SNRPN: variants seen among roughly 807,000 people sequenced by gnomAD.
SNRPN encodes the protein small nuclear ribonucleoprotein polypeptide N, also known as small nuclear ribonucleoprotein-associated protein N.
A neutral mutation model predicts 25.2 loss-of-function variants in SNRPN; 7 were observed. The observed-to-expected ratio is 0.28, with a 90% confidence interval of 0.16 to 0.52. The LOEUF (loss-of-function observed/expected upper bound fraction) is 0.52. Among genes scored for constraint, SNRPN ranks in the 20% least tolerant of loss-of-function variants. The probability of loss-of-function intolerance (pLI) is 0.96; values close to 1 mark genes in which losing one functional copy is unlikely to be tolerated. For synonymous variants in SNRPN, 124 were observed against 110.6 expected, an observed-to-expected ratio of 1.12 and a Z score of -0.76; for missense variants, 196 against 322.5, an observed-to-expected ratio of 0.61 and a Z score of 3.00.
At chr15:24,935,599 C>T (rs867760375) in intron 3 of SNRPN, among the ~76,000 whole-genome samples, 6 of 152,114 alleles carry the variant, frequency 3.9e-5, no homozygotes, top group South Asian at 2.1e-4. Context: ...GTCCTGCCCA[C>T]GCCAAGAAGT....
chr15:24,830,281 T>C (rs1217419039), intron 2 of SNRPN, among the ~76,000 whole-genome samples: 1 of 152,056 alleles, frequency 6.6e-6, no homozygotes, highest in Non-Finnish European at 1.5e-5. Context: ...AAGATTTGTG[T>C]CGCCTGAATT....
At chr15:24,924,333 CAGA>C (rs1306863866) in intron 3 of SNRPN, among the ~76,000 whole-genome samples, 10 of 151,982 alleles carry the variant, frequency 6.6e-5, no homozygotes, top group East Asian at 3.9e-4. Flanking sequence ...AATGGACTGT[CAGA>C]AGAACAGGTA....
In SNRPN at chr15:24,978,282, C is replaced by A. The variant is rs1212697691; in HGVS notation, c.649C>A (p.Pro217Thr). Reference protein sequence around the residue: ...PARGTPIGMPPPGMRPPPPGI... With the variant: ...PARGTPIGMPTPGMRPPPPGI... ...TCGAGGGACGCCAATAGGCATGCCG[C>A]CTCCGGGAATGAGACCCCCTCCACC... Residue 217 changes from proline (P) to threonine (T), a missense_variant, in exon 9 of 10, where the codon CCT (proline) becomes ACT (threonine). Physicochemically the swap from Pro to Thr is conservative, Grantham distance 38. Coordinates refer to ENST00000390687, the MANE Select transcript of SNRPN (RefSeq NM_003097.6). 6.2e-7 allele frequency: 1 copy of A among 1,614,050 alleles called. No homozygotes were observed. Among genetic ancestry groups the A allele is most frequent in the Non-Finnish European group, 8.5e-7 (1 of 1,180,018 alleles).
chr15:24,859,309 C>CA (rs201796591), intron 1 of SNRPN, among the ~76,000 whole-genome samples: 159 of 146,466 alleles, frequency 1.1e-3, no homozygotes, highest in Non-Finnish European at 5.3e-4. Flanking sequence ...CCATTCAATC[C>CA]AAAAAAAAAA....
intron 1 of SNRPN, among the ~76,000 whole-genome samples, chr15:24,861,763 G>T (rs559496252): frequency 1.3e-5 from 2 of 151,916 alleles, no homozygotes; most frequent in Admixed American, 6.6e-5. Flanking sequence ...CATAAGAGTC[G>T]ATTTAATATT....
intron 2 of SNRPN, chr15:24,851,357 A>C (rs2052808114): frequency 6.6e-6 from 1 of 152,326 alleles, no homozygotes; most frequent in Non-Finnish European, 1.5e-5. Context: ...GAGCACAGGC[A>C]TCAGACCTGA....
intron 2 of SNRPN, chr15:24,967,142 A>G (rs945041615): frequency 3.3e-5 from 5 of 152,142 alleles, no homozygotes. Flanking sequence ...TTCACACAGG[A>G]TAATTTGAAA....
intron 2 of SNRPN, among the ~76,000 whole-genome samples, chr15:24,845,418 G>A (rs67039175): frequency 0.13 from 20,466 of 151,880 alleles, 1,598 homozygotes; most frequent in Non-Finnish European, 0.18. Context: ...ACCAACATGG[G>A]GAAACCCCAT....
At position 24,831,018 on chromosome 15, in the gene SNRPN, G is replaced by A. The variant is rs141166402; in HGVS notation, c.-579+1113G>A. Among the ~76,000 whole-genome samples the A allele has an allele frequency of 7.5e-4, 114 of 152,114 alleles. 1 individual carries two copies. In the East Asian group the frequency reaches 0.021, roughly 28 times the overall value. Reference sequence around the variant, plus strand: ...GTGGATCTGTCTATTTCTGATAGAGGAGTGTTGAAAGTCTCCAACGATAAT... The same window carrying A: ...GTGGATCTGTCTATTTCTGATAGAGAAGTGTTGAAAGTCTCCAACGATAAT... On this transcript the variant is annotated intron_variant, in intron 2 of 12. Transcript: ENST00000400100.
At chr15:24,877,583 G>C (rs1003748889) in intron 1 of SNRPN, among the ~76,000 whole-genome samples, 3 of 152,178 alleles carry the variant, frequency 2.0e-5, no homozygotes, top group African/African-American at 7.2e-5. Flanking sequence ...CCAGCACTTT[G>C]GGAGGCCAAG....
chr15:24,977,165 T>C (rs538086480), intron 7 of SNRPN, 136 bp downstream of exon 7: 4 of 604,568 alleles, frequency 6.6e-6, no homozygotes, highest in South Asian at 7.0e-5. Flanking sequence ...AACACAGATA[T>C]ATGGGAGGAA....
At position 24,978,722 on chromosome 15, in the gene SNRPN, A is replaced by G. The variant is rs1443105113; in HGVS notation, c.*278A>G. ...AGGATAAAAAGGTTTTCTGCTATCT[A>G]ACTTTCACTTTGTGCATTGACTGGT... On this transcript the variant is annotated 3_prime_UTR_variant, in exon 10 of 10. Coordinates refer to ENST00000390687, the MANE Select transcript of SNRPN (RefSeq NM_003097.6). 2.0e-6 allele frequency: 1 copy of G among 488,932 alleles called. No homozygotes were observed. Among genetic ancestry groups the G allele is most frequent in the African/African-American group, 2.0e-5 (1 of 51,016 alleles). 30.3% of individuals were successfully genotyped at this position (488,932 alleles called of 1,614,324 possible).
chr15:24,927,449 G>T (rs1231645350), intron 3 of SNRPN, among the ~76,000 whole-genome samples: 3 of 104,226 alleles, frequency 2.9e-5, no homozygotes, highest in Admixed American at 1.0e-4. Context: ...TTCTCCCTCT[G>T]TTTCCCACTG....
rs780944030 is a variant in SNRPN, at chr15:24,967,920, C to G, written c.-294-12C>G. The G allele has an allele frequency of 6.2e-7, 1 of 1,605,906 alleles. No homozygotes were observed. The highest frequency in any genetic ancestry group is 8.5e-7 in the Non-Finnish European group (1 of 1,173,918). ...ATTTTTATCATTTATATATATTGTG[C>G]TCTTGTTGTAGGTGTCAGTTGTACC... On this transcript the variant is annotated splice_polypyrimidine_tract_variant and intron_variant, in intron 2 of 9. Transcript: ENST00000390687.
intron 1 of SNRPN, among the ~76,000 whole-genome samples, chr15:24,859,376 T>G (rs2053770488): frequency 6.6e-6 from 1 of 152,088 alleles, no homozygotes; most frequent in Non-Finnish European, 1.5e-5. Flanking sequence ...CCAACAAGAT[T>G]GTATTCCACT....
At chr15:24,942,625 G>A (rs1040424344) in intron 3 of SNRPN, among the ~76,000 whole-genome samples, 3 of 152,210 alleles carry the variant, frequency 2.0e-5, no homozygotes, top group African/African-American at 7.2e-5. Flanking sequence ...TGCATGCAGT[G>A]TAAGCAAATC....
At chr15:24,930,796 G>A (rs1331552909) in intron 3 of SNRPN, among the ~76,000 whole-genome samples, 1 of 151,970 alleles carries the variant, frequency 6.6e-6, no homozygotes, top group African/African-American at 2.4e-5. Flanking sequence ...CTACTCGGGA[G>A]GCTGAGGCAG....
intron 2 of SNRPN, among the ~76,000 whole-genome samples, chr15:24,843,985 AAC>A (rs1555378784): frequency 1.3e-5 from 2 of 151,510 alleles, no homozygotes; most frequent in Admixed American, 6.6e-5. Flanking sequence ...AAAAAAAAAA[AAC>A]GTATGATTCA....
chr15:24,912,988 G>A (rs555809975), intron 2 of SNRPN, among the ~76,000 whole-genome samples: 1 of 152,218 alleles, frequency 6.6e-6, no homozygotes, highest in East Asian at 1.9e-4. Context: ...CGCCCAGGCT[G>A]GAGTACAGTG....
Sources: allele counts gnomAD v4.1 joint callset (sites outside exome capture counted in the v4.1 genomes callset), GRCh38; gene constraint gnomAD v4.1.1; transcripts MANE v1.5; gene names NCBI Gene and HGNC (gene_info 2026-07-23, HGNC 2026-07-21).